SUGCT: variants seen among roughly 807,000 people sequenced by gnomAD.
SUGCT encodes the protein succinyl-CoA:glutarate-CoA transferase, also known as succinyl-CoA:glutarate CoA-transferase.
In SUGCT, 41 loss-of-function variants were observed where a neutral mutation model predicts 55.0. The observed-to-expected ratio is 0.74, with a 90% CI of 0.58 to 0.97. The LOEUF (loss-of-function observed/expected upper bound fraction) is 0.97. Ranked by LOEUF, SUGCT falls within the 50% of genes least tolerant of loss-of-function variation. The probability of loss-of-function intolerance (pLI) is 0.00; values close to 1 mark genes in which losing one functional copy is unlikely to be tolerated. For missense variants in SUGCT, 568 were observed against 547.8 expected (o/e 1.04, Z -0.37); for synonymous variants, 187 against 200.4 (o/e 0.93, Z 0.56).
intron 9 of SUGCT, among the ~76,000 whole-genome samples, chr7:40,365,546 A>T (rs1242310635): frequency 6.6e-6 from 1 of 152,216 alleles, no homozygotes; most frequent in African/African-American, 2.4e-5. Flanking sequence ...CCTTAAGCTG[A>T]TAAGCAACTT....
chr7:40,231,254 C>T (rs2150859137), intron 6 of SUGCT, among the ~76,000 whole-genome samples: 1 of 152,296 alleles, frequency 6.6e-6, no homozygotes, highest in Non-Finnish European at 1.5e-5. Flanking sequence ...TTTTTATTCC[C>T]AGACTTATAT....
chr7:40,654,625 G>A (rs1309565538), intron 12 of SUGCT, among the ~76,000 whole-genome samples: 2 of 152,192 alleles, frequency 1.3e-5, no homozygotes, highest in African/African-American at 2.4e-5. Context: ...ATCTCGTCCT[G>A]CACTATATGC....
At chr7:41,005,848 T>A in the SUGCT span, among the ~76,000 whole-genome samples, 1 of 152,194 alleles carries the variant, frequency 6.6e-6, no homozygotes, top group Non-Finnish European at 1.5e-5. Flanking sequence ...CCTTGGTGAC[T>A]AGCCCTCAAC....
chr7:41,007,708 A>G, the SUGCT span, among the ~76,000 whole-genome samples: 6 of 152,048 alleles, frequency 3.9e-5, no homozygotes, highest in African/African-American at 1.4e-4. Context: ...GCAAAAAACA[A>G]GAAAAAGAAA....
intron 11 of SUGCT, among the ~76,000 whole-genome samples, chr7:40,478,434 T>C (rs945696908): frequency 1.3e-5 from 2 of 152,180 alleles, no homozygotes; most frequent in Non-Finnish European, 2.9e-5. Flanking sequence ...TGTGCTTTTA[T>C]TGATGATGAA....
chr7:41,032,628 A>G, the SUGCT span, among the ~76,000 whole-genome samples: 1 of 152,232 alleles, frequency 6.6e-6, no homozygotes, highest in Non-Finnish European at 1.5e-5. Context: ...TCAGAGAAAA[A>G]TAAACTGGCT....
intron 9 of SUGCT, among the ~76,000 whole-genome samples, chr7:40,357,286 C>G (rs544798941): frequency 6.6e-6 from 1 of 152,180 alleles, no homozygotes; most frequent in Non-Finnish European, 1.5e-5. Flanking sequence ...GCTATAATGT[C>G]ATTACATAAT....
At chr7:40,225,138 A>G (rs374608109) in intron 6 of SUGCT, among the ~76,000 whole-genome samples, 1 of 152,370 alleles carries the variant, frequency 6.6e-6, no homozygotes, top group African/African-American at 2.4e-5. Context: ...CAAGTTGGAT[A>G]TAGTAAAACA....
chr7:40,753,363 TA>T (rs1788107506), intron 13 of SUGCT, among the ~76,000 whole-genome samples: 1 of 152,204 alleles, frequency 6.6e-6, no homozygotes, highest in Non-Finnish European at 1.5e-5. Flanking sequence ...AAGCTACAGT[TA>T]AAGGTGACTT....
intron 12 of SUGCT, among the ~76,000 whole-genome samples, chr7:40,537,386 G>A (rs1034034846): frequency 6.6e-6 from 1 of 151,910 alleles, no homozygotes; most frequent in African/African-American, 2.4e-5. Flanking sequence ...AAATTTTAGG[G>A]TAAAATTATC....
chr7:40,168,675 G>GT (rs1432130085), intron 1 of SUGCT, among the ~76,000 whole-genome samples: 1 of 152,228 alleles, frequency 6.6e-6, no homozygotes, highest in Non-Finnish European at 1.5e-5. Flanking sequence ...TAAGTGAAAG[G>GT]TTTGGTGAAG....
At chr7:41,038,093 A>G in the SUGCT span, among the ~76,000 whole-genome samples, 2 of 151,902 alleles carry the variant, frequency 1.3e-5, no homozygotes, top group Non-Finnish European at 2.9e-5. Flanking sequence ...ATGGAGGGGG[A>G]CAAAGGAAGG....
At chr7:40,523,727 T>C (rs1457156992) in intron 12 of SUGCT, among the ~76,000 whole-genome samples, 1 of 152,108 alleles carries the variant, frequency 6.6e-6, no homozygotes, top group Admixed American at 6.6e-5. Flanking sequence ...AGAATCCTAG[T>C]AAAGGAGAAA....
intron 12 of SUGCT, among the ~76,000 whole-genome samples, chr7:40,729,516 G>A (rs924139732): frequency 6.6e-6 from 1 of 152,216 alleles, no homozygotes; most frequent in Non-Finnish European, 1.5e-5. Context: ...GGTAGAGGTG[G>A]TGGTGAGTGG....
rs762411634 is a variant in SUGCT, at chr7:40,188,527, C to A, written c.259C>A (p.Pro87Thr). ...TGATGATACACGAACTTGGGGGCCA[C>A]CTTTTGTTGGGACAGAAAGTACATA... ...AGDDTRTWGP[P>T]FVGTESTYYL... is the part of the protein sequence containing the mutation. Residue 87 changes from proline (P) to threonine (T), a missense_variant, in exon 4 of 14, where the codon CCT (proline) becomes ACT (threonine). Transcript: ENST00000335693. 2.5e-6 allele frequency: 4 copies of A among 1,609,506 alleles called. No individual in the cohort carries two copies. Among genetic ancestry groups the A allele is most frequent in the South Asian group, 1.1e-5 (1 of 89,880 alleles).
chr7:40,217,889 G>T (rs1787766768), intron 6 of SUGCT, among the ~76,000 whole-genome samples: 1 of 152,124 alleles, frequency 6.6e-6, no homozygotes, highest in African/African-American at 2.4e-5. Context: ...TGGTTGGGGA[G>T]TTCCATTCCA....
chr7:41,011,637 G>A, the SUGCT span, among the ~76,000 whole-genome samples: 36 of 152,200 alleles, frequency 2.4e-4, no homozygotes, highest in African/African-American at 8.2e-4. Flanking sequence ...AGAGTTTGGA[G>A]CAAACTAAAT....
At chr7:40,359,433 G>A (rs1389431197) in intron 9 of SUGCT, among the ~76,000 whole-genome samples, 1 of 152,138 alleles carries the variant, frequency 6.6e-6, no homozygotes, top group Non-Finnish European at 1.5e-5. Flanking sequence ...TCAAACTCCT[G>A]ACCTCAGGTA....
At chr7:40,849,883 G>A (rs1225215362) in intron 13 of SUGCT, among the ~76,000 whole-genome samples, 2 of 152,104 alleles carry the variant, frequency 1.3e-5, no homozygotes, top group African/African-American at 4.8e-5. Context: ...CAGGGTGGGT[G>A]GAGGGAGGTA....
Sources: allele counts gnomAD v4.1 joint callset (sites outside exome capture counted in the v4.1 genomes callset), GRCh38; gene constraint gnomAD v4.1.1; transcripts MANE v1.5; gene names NCBI Gene and HGNC (gene_info 2026-07-23, HGNC 2026-07-21).